Variants in NALF1 observed in about 807,000 individuals in gnomAD.
NALF1 encodes family with sequence similarity 155 member A.
NALF1 carries 3 observed loss-of-function variants against 48.4 expected under a neutral mutation model. That is an observed-to-expected ratio of 0.06 (90% CI 0.03 to 0.16). The LOEUF is 0.16. Among genes scored for constraint, NALF1 ranks in the 10% least tolerant of loss-of-function variants. NALF1 has a pLI of 1.00. For missense variants in NALF1, 526 were observed against 571.5 expected (o/e 0.92, Z 0.81); for synonymous variants, 262 against 245.7 (o/e 1.07, Z -0.62).
At chr13:107,202,772 G>A (rs534904260) in intron 2 of NALF1, among the ~76,000 whole-genome samples, 4 of 152,160 alleles carry the variant, frequency 2.6e-5, no homozygotes, top group Admixed American at 2.0e-4. Context: ...ATCACCTTCC[G>A]TTAACCTACT....
intron 1 of NALF1, among the ~76,000 whole-genome samples, chr13:107,310,496 T>C (rs9559007): frequency 6.6e-6 from 1 of 151,944 alleles, no homozygotes; most frequent in East Asian, 1.9e-4. Context: ...CATCAAAGTA[T>C]CACCAAAGTA....
In NALF1 at chr13:107,167,593, A is replaced by G. The variant is rs1377154268; in HGVS notation, c.*2904T>C. On this transcript the variant is annotated 3_prime_UTR_variant, in exon 3 of 3. Transcript: ENST00000375915. ...TAATAAGAATAGATGAACATGACAA[A>G]GAAAATATTCCGCCAGAATTAGAGA... The G allele has an allele frequency of 2.0e-5, 3 of 152,244 alleles. No individual in the cohort carries two copies. Among genetic ancestry groups the G allele is most frequent in the Non-Finnish European group, 4.4e-5 (3 of 68,054 alleles). The allele number at this position is 152,244 out of a possible 1,614,324, so 9.4% of individuals were successfully genotyped here. A position where few individuals can be genotyped will look rare whatever the true frequency, so the allele number is the denominator to read the frequency against.
intron 1 of NALF1, among the ~76,000 whole-genome samples, chr13:107,709,149 A>G (rs1408814946): frequency 6.6e-6 from 1 of 152,256 alleles, no homozygotes; most frequent in Non-Finnish European, 1.5e-5. Context: ...GCATTATAAA[A>G]TGTTAAAAAT....
intron 1 of NALF1, among the ~76,000 whole-genome samples, chr13:107,610,132 A>G (rs1879186661): frequency 6.6e-6 from 1 of 152,218 alleles, no homozygotes; most frequent in South Asian, 2.1e-4. Flanking sequence ...AGATATGGGG[A>G]AAAATAAACT....
intron 1 of NALF1, among the ~76,000 whole-genome samples, chr13:107,240,939 T>A (rs1029338751): frequency 1.3e-5 from 2 of 150,414 alleles, no homozygotes; most frequent in African/African-American, 4.9e-5. Context: ...TGCCTGAGAC[T>A]GGGAAATTTA....
intron 1 of NALF1, among the ~76,000 whole-genome samples, chr13:107,414,487 A>G (rs895577162): frequency 2.0e-5 from 3 of 150,474 alleles, no homozygotes; most frequent in Non-Finnish European, 3.0e-5. Context: ...ATACATAGGG[A>G]ATTTATTAAT....
At chr13:107,613,907 T>C (rs1486103852) in intron 1 of NALF1, among the ~76,000 whole-genome samples, 7 of 152,198 alleles carry the variant, frequency 4.6e-5, no homozygotes, top group Admixed American at 2.6e-4. Context: ...GTTCATTCCT[T>C]CCTGTTGGCA....
At chr13:107,304,463 A>G (rs1881898176) in intron 1 of NALF1, among the ~76,000 whole-genome samples, 1 of 152,222 alleles carries the variant, frequency 6.6e-6, no homozygotes. Flanking sequence ...TGTTATCTCA[A>G]CTGATAATGA....
chr13:107,483,545 A>C (rs1363898786), intron 1 of NALF1, among the ~76,000 whole-genome samples: 1 of 152,126 alleles, frequency 6.6e-6, no homozygotes, highest in African/African-American at 2.4e-5. Flanking sequence ...CCTGCATACA[A>C]AACTGTAGGC....
At chr13:107,734,199 C>G (rs549093384) in intron 1 of NALF1, among the ~76,000 whole-genome samples, 11 of 152,082 alleles carry the variant, frequency 7.2e-5, no homozygotes, top group Admixed American at 7.2e-4. Context: ...TGTCCCTGAC[C>G]AAAATGTCAT....
chr13:107,261,706 G>A (rs1236932856), intron 1 of NALF1, among the ~76,000 whole-genome samples: 2 of 152,282 alleles, frequency 1.3e-5, no homozygotes, highest in East Asian at 1.9e-4. Flanking sequence ...AAGTCACACT[G>A]AGAAAATGGC....
intron 1 of NALF1, among the ~76,000 whole-genome samples, chr13:107,713,531 A>T (rs943511623): frequency 3.3e-5 from 5 of 152,296 alleles, no homozygotes; most frequent in African/African-American, 1.2e-4. Flanking sequence ...TCCATAGATG[A>T]GGTAACTGAG....
At chr13:107,173,288 C>G (rs1035016322) in intron 2 of NALF1, among the ~76,000 whole-genome samples, 3 of 152,170 alleles carry the variant, frequency 2.0e-5, no homozygotes, top group African/African-American at 7.2e-5. Context: ...ATGCTTCCCC[C>G]CAAACCCTCA....
chr13:107,223,339 CATT>C (rs1880032972), intron 1 of NALF1, among the ~76,000 whole-genome samples: 1 of 151,484 alleles, frequency 6.6e-6, no homozygotes, highest in African/African-American at 2.4e-5. Context: ...GTTAATAACT[CATT>C]TTTTTTTGCA....
intron 1 of NALF1, among the ~76,000 whole-genome samples, chr13:107,222,170 G>A (rs1195728437): frequency 6.6e-6 from 1 of 151,934 alleles, no homozygotes; most frequent in African/African-American, 2.4e-5. Context: ...AAAAACAATC[G>A]CCTATCACTA....
chr13:107,271,872 T>C (rs1015741623), intron 1 of NALF1, among the ~76,000 whole-genome samples: 3 of 147,964 alleles, frequency 2.0e-5, no homozygotes, highest in Admixed American at 6.8e-5. Context: ...CTAAGCTTCA[T>C]GGCAAACTAT....
intron 1 of NALF1, among the ~76,000 whole-genome samples, chr13:107,707,930 G>A (rs1327682465): frequency 6.6e-6 from 1 of 152,082 alleles, no homozygotes; most frequent in East Asian, 1.9e-4. Flanking sequence ...GACACACAGT[G>A]ATCTCTGGTT....
At chr13:107,247,124 T>C (rs1880601638) in intron 1 of NALF1, among the ~76,000 whole-genome samples, 1 of 152,186 alleles carries the variant, frequency 6.6e-6, no homozygotes, top group East Asian at 1.9e-4. Flanking sequence ...TTTTATCACT[T>C]TGGATTAACA....
intron 1 of NALF1, among the ~76,000 whole-genome samples, chr13:107,660,675 T>C (rs1173510578): frequency 3.3e-5 from 5 of 152,152 alleles, no homozygotes; most frequent in Non-Finnish European, 7.4e-5. Flanking sequence ...AAAAATACTC[T>C]GTGAGATACA....
Sources: gnomAD v4.1 joint callset for allele counts (sites outside exome capture counted in the v4.1 genomes callset) on GRCh38, gnomAD v4.1.1 for gene constraint, MANE v1.5 for transcripts, NCBI Gene and HGNC (gene_info 2026-07-23, HGNC 2026-07-21) for gene names.